Variants in MACROD2 observed in about 807,000 individuals in gnomAD.
MACROD2 encodes the protein mono-ADP ribosylhydrolase 2, also known as ADP-ribose glycohydrolase MACROD2.
A neutral mutation model predicts 70.4 loss-of-function variants in MACROD2; 36 were observed. The ratio of observed to expected loss-of-function variants is 0.51; its 90% CI spans 0.39 to 0.68. The LOEUF (loss-of-function observed/expected upper bound fraction) is 0.68. Ranked by LOEUF, MACROD2 falls within the 30% of genes least tolerant of loss-of-function variation. The pLI is 0.00. For synonymous variants in MACROD2, 172 were observed against 178.8 expected, an observed-to-expected ratio of 0.96 and a Z score of 0.30; for missense variants, 496 against 538.4, an observed-to-expected ratio of 0.92 and a Z score of 0.78.
chr20:14,879,853 C>A lies in MACROD2; in HGVS notation c.418+194894C>A, dbSNP rs188107363. ...AACTACGAAAATAATTTTAAATACA[C>A]CTGGGTTTCCAAATGGACAGAGGTT... On this transcript the variant is annotated intron_variant, in intron 5 of 17. Transcript: ENST00000684519. 3.8e-4 allele frequency among the ~76,000 whole-genome samples: 58 copies of A among 152,210 alleles called. No individual in the cohort carries two copies. The East Asian group carries it at 0.01, about 27-fold the overall frequency.
Position 14,732,475 on chromosome 20 carries a change from G to GA in MACROD2, c.418+47523dup, listed in dbSNP as rs527417783. ...GAGCATTTTTAGATTTATGAAGGGG[G>GA]AAAAAAATCAATAGTGTCCCTAAGG... On this transcript the variant is annotated intron_variant, in intron 5 of 17. Coordinates refer to ENST00000684519, the MANE Select transcript of MACROD2 (RefSeq NM_001351661.2). 5.3e-5 allele frequency among the ~76,000 whole-genome samples: 8 copies of GA among 152,094 alleles called. No individual in the cohort carries two copies. The South Asian group carries it at 1.0e-3, about 20-fold the overall frequency.
At chr20:14,389,171 C>T (rs1213814439) in intron 3 of MACROD2, among the ~76,000 whole-genome samples, 9 of 151,896 alleles carry the variant, frequency 5.9e-5, no homozygotes, top group African/African-American at 1.2e-4. Flanking sequence ...TGAGCCACCG[C>T]GGCTGGCCAT....
intron 3 of MACROD2, among the ~76,000 whole-genome samples, chr20:14,254,309 A>G (rs957706098): frequency 1.3e-5 from 2 of 152,090 alleles, no homozygotes; most frequent in East Asian, 1.9e-4. Flanking sequence ...AAAATTTGAC[A>G]TTGGTTTTAA....
At position 15,170,779 on chromosome 20, in the gene MACROD2, C is replaced by T. The variant is rs73258863; in HGVS notation, c.419-59161C>T. Among the ~76,000 whole-genome samples the T allele has an allele frequency of 8.0e-3, 1,220 of 152,312 alleles. 20 individuals are homozygous for T. Among genetic ancestry groups the T allele is most frequent in the African/African-American group, 0.028 (1,145 of 41,576 alleles). On this transcript the variant is annotated intron_variant, in intron 5 of 17. Transcript: ENST00000684519. ...GTTTTCAGTTGTCACAGGGAAGAAA[C>T]TTTAGGGTTAGCAAAGGCTTTTCAG...
At chr20:15,581,176 C>CT (rs1458560189) in intron 8 of MACROD2, among the ~76,000 whole-genome samples, 1 of 152,122 alleles carries the variant, frequency 6.6e-6, no homozygotes, top group Non-Finnish European at 1.5e-5. Flanking sequence ...CTTGAGGCTT[C>CT]TTTTTCAGTT....
At chr20:15,486,674 T>C (rs1025029007) in intron 7 of MACROD2, among the ~76,000 whole-genome samples, 1 of 152,202 alleles carries the variant, frequency 6.6e-6, no homozygotes, top group African/African-American at 2.4e-5. Flanking sequence ...GGATTTATTA[T>C]GCAGAGAATA....
chr20:14,842,089 T>A (rs536759108), intron 5 of MACROD2, among the ~76,000 whole-genome samples: 1 of 152,224 alleles, frequency 6.6e-6, no homozygotes, highest in South Asian at 2.1e-4. Context: ...AAGGGCTGCA[T>A]CTGGTGAGTG....
intron 7 of MACROD2, among the ~76,000 whole-genome samples, chr20:15,434,310 G>A (rs1051051368): frequency 1.3e-5 from 2 of 149,036 alleles, no homozygotes; most frequent in African/African-American, 4.9e-5. Flanking sequence ...GAATCTATAA[G>A]GAACTCAAAC....
intron 3 of MACROD2, among the ~76,000 whole-genome samples, chr20:14,355,851 T>G (rs2083167228): frequency 2.0e-5 from 3 of 152,162 alleles, no homozygotes; most frequent in Admixed American, 2.0e-4. Context: ...AGCCTTGAGA[T>G]TATTGGGAGT....
intron 3 of MACROD2, among the ~76,000 whole-genome samples, chr20:14,279,240 T>C (rs1018054541): frequency 4.6e-5 from 7 of 152,228 alleles, no homozygotes; most frequent in African/African-American, 1.7e-4. Context: ...ATAATTTCCT[T>C]TTCACAGACT....
At chr20:15,101,166 G>A (rs1018665681) in intron 5 of MACROD2, among the ~76,000 whole-genome samples, 1 of 152,014 alleles carries the variant, frequency 6.6e-6, no homozygotes, top group Non-Finnish European at 1.5e-5. Context: ...GCATTAAAAA[G>A]GTATTTAGAA....
At chr20:14,489,882 A>G (rs1220295181) in intron 3 of MACROD2, among the ~76,000 whole-genome samples, 1 of 150,308 alleles carries the variant, frequency 6.7e-6, no homozygotes, top group Non-Finnish European at 1.5e-5. Context: ...TTTTTAAAAG[A>G]CAGAGTCTTG....
intron 5 of MACROD2, among the ~76,000 whole-genome samples, chr20:15,119,801 A>C (rs1453116389): frequency 6.6e-6 from 1 of 152,254 alleles, no homozygotes; most frequent in African/African-American, 2.4e-5. Context: ...TATACAAAGC[A>C]TATGCTAATA....
At chr20:15,389,741 A>C (rs1265544822) in intron 6 of MACROD2, among the ~76,000 whole-genome samples, 1 of 152,186 alleles carries the variant, frequency 6.6e-6, no homozygotes, top group Non-Finnish European at 1.5e-5. Context: ...TAAGGTATTA[A>C]GAATGTGCTC....
At chr20:15,951,647 T>C (rs910928323) in intron 12 of MACROD2, among the ~76,000 whole-genome samples, 2 of 152,050 alleles carry the variant, frequency 1.3e-5, no homozygotes, top group Non-Finnish European at 2.9e-5. Flanking sequence ...ATATGTGTAC[T>C]CAAAACAACA....
Position 14,742,749 on chromosome 20 carries a change from A to T in MACROD2, c.418+57790A>T, listed in dbSNP as rs1030301538. Reference sequence around the variant, plus strand: ...CTGCACCATAAAGTTCAAAAGTAATATAAACTTTATTTTATTTTATTTTAT... The same window carrying T: ...CTGCACCATAAAGTTCAAAAGTAATTTAAACTTTATTTTATTTTATTTTAT... On this transcript the variant is annotated intron_variant, in intron 5 of 17. Coordinates refer to ENST00000684519, the MANE Select transcript of MACROD2 (RefSeq NM_001351661.2). Among the ~76,000 whole-genome samples, 5 of 151,452 alleles carry T rather than the reference A, an allele frequency of 3.3e-5. No homozygotes were observed. In the Admixed American group the frequency reaches 3.3e-4, roughly 10 times the overall value.
chr20:14,352,901 G>T (rs1382031739), intron 3 of MACROD2, among the ~76,000 whole-genome samples: 1 of 151,686 alleles, frequency 6.6e-6, no homozygotes, highest in Non-Finnish European at 1.5e-5. Context: ...ATTAAAAATG[G>T]GATATAATAT....
intron 5 of MACROD2, among the ~76,000 whole-genome samples, chr20:15,168,509 T>C (rs1421691720): frequency 6.7e-6 from 1 of 150,074 alleles, no homozygotes; most frequent in Non-Finnish European, 1.5e-5. Flanking sequence ...ATTATTTCCA[T>C]CATTTAAAAA....
At chr20:14,930,163 A>G (rs1435828405) in intron 5 of MACROD2, among the ~76,000 whole-genome samples, 1 of 149,954 alleles carries the variant, frequency 6.7e-6, no homozygotes, top group Non-Finnish European at 1.5e-5. Context: ...CTCCGTCTCA[A>G]AAAAAAAAAA....
Sources: allele counts gnomAD v4.1 joint callset (sites outside exome capture counted in the v4.1 genomes callset), GRCh38; gene constraint gnomAD v4.1.1; transcripts MANE v1.5; gene names NCBI Gene and HGNC (gene_info 2026-07-23, HGNC 2026-07-21).